SLC35D1: variants seen among roughly 807,000 people sequenced by gnomAD.
SLC35D1 encodes solute carrier family 35 member D1.
A neutral mutation model predicts 46.7 loss-of-function variants in SLC35D1; 31 were observed. The observed-to-expected ratio is 0.66, with a 90% confidence interval of 0.50 to 0.90. The LOEUF is 0.90. Among genes scored for constraint, SLC35D1 ranks in the 40% least tolerant of loss-of-function variants. SLC35D1 has a pLI of 0.00. For synonymous variants in SLC35D1, 195 were observed against 164.6 expected (o/e 1.18, Z -1.41); for missense variants, 397 against 426.2 (o/e 0.93, Z 0.60).
In SLC35D1 at chr1:67,002,120, C is replaced by G. The variant is rs1231913891; in HGVS notation, c.*2220G>C. ...ATTCAAACGTCCCTCCTTCATGTTG[C>G]TGACAGAAAGAACAGAATCACTAAA... is the stretch of plus-strand genomic sequence containing the variant. On this transcript the variant is annotated 3_prime_UTR_variant, in exon 12 of 12. Transcript: ENST00000235345. The G allele has an allele frequency of 6.6e-6, 1 of 152,352 alleles. No homozygotes were observed. Among genetic ancestry groups the G allele is most frequent in the African/African-American group, 2.4e-5 (1 of 41,440 alleles). 9.4% of individuals were successfully genotyped at this position (152,352 alleles called of 1,614,324 possible).
chr1:67,038,834 T>TACACACACACACACACAC lies in SLC35D1; in HGVS notation c.729+3384_729+3401dup, dbSNP rs112186155. ...ACCTTGGATAAACTTTAAATATGTA[T>TACACACACACACACACAC]ACACACACACACACACACAAACACA... On this transcript the variant is annotated intron_variant, in intron 8 of 11. Coordinates refer to ENST00000235345, the MANE Select transcript of SLC35D1 (RefSeq NM_015139.3). 2.1e-3 allele frequency among the ~76,000 whole-genome samples: 276 copies of TACACACACACACACACAC among 130,684 alleles called. 1 individual carries two copies. Among genetic ancestry groups the TACACACACACACACACAC allele is most frequent in the African/African-American group, 6.4e-3 (247 of 38,758 alleles). 85.7% of individuals were successfully genotyped at this position (130,684 alleles called of 152,430 possible). A position where few individuals can be genotyped will look rare whatever the true frequency, so the allele number is the denominator to read the frequency against.
At chr1:67,013,169 TC>T (rs1667610686) in intron 10 of SLC35D1, among the ~76,000 whole-genome samples, 1 of 134,668 alleles carries the variant, frequency 7.4e-6, no homozygotes, top group African/African-American at 2.8e-5. Context: ...TATATATATA[TC>T]CTGTTCTTAA....
intron 8 of SLC35D1, among the ~76,000 whole-genome samples, chr1:67,029,484 G>A (rs554503420): frequency 7.2e-5 from 11 of 152,298 alleles, no homozygotes; most frequent in African/African-American, 2.6e-4. Context: ...TACGACTCAG[G>A]AGACCAGCTT....
chr1:67,051,782 T>C (rs762586885), intron 4 of SLC35D1, among the ~76,000 whole-genome samples: 10 of 125,570 alleles, frequency 8.0e-5, no homozygotes, highest in African/African-American at 2.6e-4. Context: ...AACATCAAAA[T>C]GAGGGGTAAA....
At chr1:67,048,106 T>C (rs1443060952) in intron 6 of SLC35D1, among the ~76,000 whole-genome samples, 1 of 152,224 alleles carries the variant, frequency 6.6e-6, no homozygotes, top group Non-Finnish European at 1.5e-5. Context: ...AGATACTGTA[T>C]AGGAGCCAAG....
chr1:67,032,813 T>G (rs919319053), intron 8 of SLC35D1, among the ~76,000 whole-genome samples: 1 of 152,212 alleles, frequency 6.6e-6, no homozygotes, highest in Non-Finnish European at 1.5e-5. Context: ...ACAATTATCT[T>G]GTTGTGCTAC....
rs1362464070 is a variant in SLC35D1 at position 67,001,859 on chromosome 1, G to A, written c.*2481C>T. The A allele has an allele frequency of 6.6e-6, 1 of 152,400 alleles. No individual in the cohort carries two copies. Among genetic ancestry groups the A allele is most frequent in the African/African-American group, 2.4e-5 (1 of 41,456 alleles). The allele number at this position is 152,400 out of a possible 1,614,324, so 9.4% of individuals were successfully genotyped here. ...ACAGACAGGGCAAAGTTGCTGTACT[G>A]CTCTGGTCAGCCAGAAGTTTCAGCA... is the stretch of plus-strand genomic sequence containing the variant. On this transcript the variant is annotated 3_prime_UTR_variant, in exon 12 of 12. Transcript: ENST00000235345.
At chr1:67,038,774 G>T (rs566527633) in intron 8 of SLC35D1, among the ~76,000 whole-genome samples, 6 of 151,956 alleles carry the variant, frequency 3.9e-5, no homozygotes, top group Non-Finnish European at 7.4e-5. Context: ...ATATTTATTT[G>T]TTCCTTGGTT....
intron 4 of SLC35D1, among the ~76,000 whole-genome samples, chr1:67,051,559 T>C (rs1200129193): frequency 6.6e-6 from 1 of 152,220 alleles, no homozygotes; most frequent in African/African-American, 2.4e-5. Context: ...ATCAGGGTTC[T>C]AGCTGATGTT....
intron 8 of SLC35D1, among the ~76,000 whole-genome samples, chr1:67,030,737 T>C (rs1215533233): frequency 6.6e-6 from 1 of 152,162 alleles, no homozygotes; most frequent in African/African-American, 2.4e-5. Flanking sequence ...TGACATCTAT[T>C]AAGTCCCATG....
At chr1:66,991,565 G>T in the SLC35D1 span, among the ~76,000 whole-genome samples, 11,591 of 152,226 alleles carry the variant, frequency 0.076, 559 homozygotes, top group African/African-American at 0.13. Flanking sequence ...TCTTCACAAG[G>T]TATATCCTGT....
downstream of SLC35D1, among the ~76,000 whole-genome samples, chr1:66,997,153 T>C (rs1667246302): frequency 6.6e-6 from 1 of 152,144 alleles, no homozygotes; most frequent in South Asian, 2.1e-4. Context: ...TCAAAGTCAA[T>C]GGATATAATC....
At position 67,000,988 on chromosome 1, in the gene SLC35D1, C is replaced by T. The variant is rs1343593079; in HGVS notation, c.*3352G>A. 1 of 152,374 alleles carries T rather than the reference C, an allele frequency of 6.6e-6. No homozygotes were observed. The highest frequency in any genetic ancestry group is 1.5e-5 in the Non-Finnish European group (1 of 68,052). The allele number at this position is 152,374 out of a possible 1,614,324, so 9.4% of individuals were successfully genotyped here. A position where few individuals can be genotyped will look rare whatever the true frequency, so the allele number is the denominator to read the frequency against. On this transcript the variant is annotated 3_prime_UTR_variant, in exon 12 of 12. Coordinates refer to ENST00000235345, the MANE Select transcript of SLC35D1 (RefSeq NM_015139.3). ...TGGTTACAAAATCACGGACTCCTTTCATCTGTCTCCTTTCTCCCACTCAGG... is the reference window on the plus strand; with the variant it reads ...TGGTTACAAAATCACGGACTCCTTTTATCTGTCTCCTTTCTCCCACTCAGG...
chr1:67,012,768 G>A (rs1351140335), intron 10 of SLC35D1, among the ~76,000 whole-genome samples: 1 of 152,054 alleles, frequency 6.6e-6, no homozygotes, highest in Non-Finnish European at 1.5e-5. Flanking sequence ...CACAATAAAG[G>A]CTGCTGTACC....
At chr1:66,996,742 ATC>A (rs1667242156), downstream of SLC35D1, among the ~76,000 whole-genome samples, 1 of 152,230 alleles carries the variant, frequency 6.6e-6, no homozygotes, top group Admixed American at 6.5e-5. Context: ...GCAGTGCATC[ATC>A]TATAGCGTTG....
At chr1:67,004,676 T>C (rs1667411247) in intron 11 of SLC35D1, among the ~76,000 whole-genome samples, 1 of 152,092 alleles carries the variant, frequency 6.6e-6, no homozygotes, top group Admixed American at 6.6e-5. Flanking sequence ...AGAAAATATA[T>C]CATAAAACAT....
At chr1:67,041,837 A>G (rs1451464344) in intron 8 of SLC35D1, among the ~76,000 whole-genome samples, 1 of 152,150 alleles carries the variant, frequency 6.6e-6, no homozygotes, top group Admixed American at 6.6e-5. Context: ...TAAAACTGAG[A>G]ACTTCTAGCA....
chr1:67,014,310 AT>A (rs1361982559), intron 10 of SLC35D1, among the ~76,000 whole-genome samples: 1 of 152,124 alleles, frequency 6.6e-6, no homozygotes, highest in African/African-American at 2.4e-5. Flanking sequence ...TTACTACCCT[AT>A]TTTCTCTAAA....
chr1:66,976,741 TAA>T, the SLC35D1 span: 3 of 1,562,664 alleles, frequency 1.9e-6, no homozygotes, highest in Non-Finnish European at 2.6e-6. Context: ...ATTTTTTCCT[TAA>T]GAGCTATATA....
Sources: gnomAD v4.1 joint callset for allele counts (sites outside exome capture counted in the v4.1 genomes callset) on GRCh38, gnomAD v4.1.1 for gene constraint, MANE v1.5 for transcripts, NCBI Gene and HGNC (gene_info 2026-07-23, HGNC 2026-07-21) for gene names.